PPP1R13B: variants seen among roughly 807,000 people sequenced by gnomAD.
The protein encoded by PPP1R13B is protein phosphatase 1 regulatory subunit 13B, also known as apoptosis-stimulating of p53 protein 1.
A neutral mutation model predicts 119.8 loss-of-function variants in PPP1R13B; 44 were observed. The observed-to-expected ratio is 0.37, with a 90% confidence interval of 0.29 to 0.47. The LOEUF is 0.47. Among genes scored for constraint, PPP1R13B ranks in the 20% least tolerant of loss-of-function variants. The pLI is 0.99. For missense variants in PPP1R13B, 1,227 were observed against 1,413.5 expected, an observed-to-expected ratio of 0.87 and a Z score of 2.12; for synonymous variants, 542 against 561.5, an observed-to-expected ratio of 0.97 and a Z score of 0.49.
chr14:103,815,692 T>A (rs1231617359), intron 1 of PPP1R13B, among the ~76,000 whole-genome samples: 1 of 150,964 alleles, frequency 6.6e-6, no homozygotes, highest in Non-Finnish European at 1.5e-5. Context: ...AAGGTGGAGG[T>A]TGCACTGAGC....
At chr14:103,792,239 TCAC>T (rs1402328795) in intron 2 of PPP1R13B, among the ~76,000 whole-genome samples, 1 of 151,336 alleles carries the variant, frequency 6.6e-6, no homozygotes, top group Non-Finnish European at 1.5e-5. Flanking sequence ...CTGTCCTCTG[TCAC>T]CCAGGCTGGA....
At chr14:103,797,164 T>C in intron 2 of PPP1R13B, 1 of 441,600 alleles carries the variant, frequency 2.3e-6, no homozygotes, top group Non-Finnish European at 3.9e-6. Flanking sequence ...TATAATTACA[T>C]TTATTTTAAT....
chr14:103,755,698 A>G lies in PPP1R13B; in HGVS notation c.457-1454T>C, dbSNP rs564628577. ...ACTTGTGATTCACATTACTGAAAAT[A>G]TCTATAACTATTTTGAACAGCAATA... On this transcript the variant is annotated intron_variant, in intron 5 of 16. Transcript: ENST00000202556. Among the ~76,000 whole-genome samples the G allele has an allele frequency of 7.2e-5, 11 of 152,358 alleles. No individual in the cohort carries two copies. The South Asian group carries it at 2.3e-3, about 32-fold the overall frequency.
intron 1 of PPP1R13B, among the ~76,000 whole-genome samples, chr14:103,829,778 A>G (rs1308351728): frequency 6.6e-6 from 1 of 151,804 alleles, no homozygotes; most frequent in African/African-American, 2.4e-5. Context: ...ACCTGGCTAA[A>G]TATTTTACTA....
At chr14:103,749,713 C>T in intron 8 of PPP1R13B, 81 bp downstream of exon 8, 1 of 1,365,510 alleles carries the variant, frequency 7.3e-7, no homozygotes, top group Non-Finnish European at 1.0e-6. Flanking sequence ...GATGGGGGAG[C>T]ATACTGCTAC....
rs1265314468 is a variant in PPP1R13B at position 103,847,436 on chromosome 14, A to G, written c.-129T>C. 5.5e-5 allele frequency: 56 copies of G among 1,012,580 alleles called. No homozygotes were observed. The highest frequency in any genetic ancestry group is 6.1e-5 in the Non-Finnish European group (52 of 849,422). 62.7% of individuals were successfully genotyped at this position (1,012,580 alleles called of 1,614,324 possible). A position where few individuals can be genotyped will look rare whatever the true frequency, so the allele number is the denominator to read the frequency against. On this transcript the variant is annotated 5_prime_UTR_variant, in exon 1 of 17. Coordinates refer to ENST00000202556, the MANE Select transcript of PPP1R13B (RefSeq NM_015316.3). ...CGTGCTCTCCGGCCCGGCCGCGGCG[A>G]GGCGGCAGCTGCGGCGGGCTGCGGG... is the stretch of plus-strand genomic sequence containing the variant.
intron 16 of PPP1R13B, among the ~76,000 whole-genome samples, 156 bp from the exon 17 acceptor site, chr14:103,735,351 C>T (rs1265242560): frequency 2.6e-5 from 4 of 152,196 alleles, no homozygotes; most frequent in Non-Finnish European, 5.9e-5. Context: ...ACACTGAGAC[C>T]CACCCAGCCC....
chr14:103,839,154 A>C (rs2086844675), intron 1 of PPP1R13B, among the ~76,000 whole-genome samples: 1 of 152,122 alleles, frequency 6.6e-6, no homozygotes, highest in South Asian at 2.1e-4. Context: ...CTGTGATTAC[A>C]GGCACGTGCC....
chr14:103,739,684 G>A (rs949680956), intron 12 of PPP1R13B, 140 bp downstream of exon 12: 11 of 1,044,234 alleles, frequency 1.1e-5, no homozygotes, highest in Admixed American at 5.8e-5. Context: ...GTGACTGTCC[G>A]TCCTCCCTAC....
In PPP1R13B at chr14:103,738,498, A is replaced by T; in HGVS notation, c.2864+181T>A. On this transcript the variant is annotated intron_variant, in intron 14 of 16. Coordinates refer to ENST00000202556, the MANE Select transcript of PPP1R13B (RefSeq NM_015316.3). This position sits in a 1 kb window ranked among gnomAD's most constrained non-coding sequence, Gnocchi z 5.6. Reference sequence around the variant, plus strand: ...CCACGTTTTTAACAAAATCATCAAGAGAAAAGGCTGGAAAAAAAGGCAAGG... The same window carrying T: ...CCACGTTTTTAACAAAATCATCAAGTGAAAAGGCTGGAAAAAAAGGCAAGG... 2.1e-6 allele frequency: 2 copies of T among 934,506 alleles called. No individual in the cohort carries two copies. The highest frequency in any genetic ancestry group is 3.1e-6 in the Non-Finnish European group (2 of 635,278). The allele number at this position is 934,506 out of a possible 1,614,324, so 57.9% of individuals were successfully genotyped here.
In PPP1R13B at chr14:103,739,690, C is replaced by G; in HGVS notation, c.2592+134G>C. Reference sequence around the variant, plus strand: ...TTTGTCTGTGTGACTGTCCGTCCTCCCTACAAGACGTAACTCAGGGACATC... The same window carrying G: ...TTTGTCTGTGTGACTGTCCGTCCTCGCTACAAGACGTAACTCAGGGACATC... On this transcript the variant is annotated intron_variant, in intron 12 of 16. Coordinates refer to ENST00000202556, the MANE Select transcript of PPP1R13B (RefSeq NM_015316.3). The G allele has an allele frequency of 6.3e-6, 7 of 1,110,582 alleles. No homozygotes were observed. The South Asian group carries it at 1.2e-4, about 19-fold the overall frequency. The allele number at this position is 1,110,582 out of a possible 1,614,324, so 68.8% of individuals were successfully genotyped here.
intron 8 of PPP1R13B, among the ~76,000 whole-genome samples, chr14:103,748,211 CCT>C (rs1299385390): frequency 6.6e-6 from 1 of 152,194 alleles, no homozygotes; most frequent in Non-Finnish European, 1.5e-5. Flanking sequence ...GTGCTTGCAG[CCT>C]CTCTCTCACA....
intron 3 of PPP1R13B, among the ~76,000 whole-genome samples, chr14:103,780,994 G>A (rs531794301): frequency 6.6e-6 from 1 of 152,146 alleles, no homozygotes; most frequent in South Asian, 2.1e-4. Context: ...GGAATTCTGA[G>A]TCGGGGCATG....
intron 12 of PPP1R13B, chr14:103,739,225 C>G (rs773225769): frequency 1.6e-6 from 1 of 617,842 alleles, no homozygotes; most frequent in East Asian, 2.8e-5. Flanking sequence ...AGGGAGAGCC[C>G]TGTCTGAGGC....
chr14:103,839,764 CCA>C (rs2086861614), intron 1 of PPP1R13B, among the ~76,000 whole-genome samples: 1 of 152,330 alleles, frequency 6.6e-6, no homozygotes, highest in Middle Eastern at 3.4e-3. Flanking sequence ...TCTGCTCCAG[CCA>C]CACAGGCCTA....
At chr14:103,842,301 CTTTTTTTTT>C (rs34596421) in intron 1 of PPP1R13B, among the ~76,000 whole-genome samples, 2 of 117,974 alleles carry the variant, frequency 1.7e-5, no homozygotes, top group African/African-American at 6.6e-5. Flanking sequence ...AGAGTGCCTT[CTTTTTTTTT>C]TTTTTTTTTT....
intron 2 of PPP1R13B, among the ~76,000 whole-genome samples, chr14:103,795,949 A>C (rs2085747664): frequency 6.6e-6 from 1 of 152,204 alleles, no homozygotes; most frequent in South Asian, 2.1e-4. Context: ...TAGAATACAT[A>C]AAGAACTTTT....
chr14:103,735,027 A>G lies in PPP1R13B; in HGVS notation c.*127T>C. On this transcript the variant is annotated 3_prime_UTR_variant, in exon 17 of 17. Transcript: ENST00000202556. ...GGAAACTGTAGGATTCACATTGTGG[A>G]CGCTGTCTGCTAAAGTGAGCACCAT... 1 of 1,026,444 alleles carries G rather than the reference A, an allele frequency of 9.7e-7. No homozygotes were observed. 63.6% of individuals were successfully genotyped at this position (1,026,444 alleles called of 1,614,324 possible). A position where few individuals can be genotyped will look rare whatever the true frequency, so the allele number is the denominator to read the frequency against.
intron 1 of PPP1R13B, among the ~76,000 whole-genome samples, chr14:103,799,702 C>T (rs2085853731): frequency 1.3e-5 from 2 of 150,386 alleles, no homozygotes; most frequent in Non-Finnish European, 3.0e-5. Flanking sequence ...TTTTTTTTTC[C>T]CCTTTTCCTC....
Sources: allele counts gnomAD v4.1 joint callset (sites outside exome capture counted in the v4.1 genomes callset), GRCh38; gene constraint gnomAD v4.1.1; non-coding constraint Gnocchi (gnomAD v3.1); transcripts MANE v1.5; gene names NCBI Gene and HGNC (gene_info 2026-07-23, HGNC 2026-07-21).